The following TPD52L1 variants were observed in gnomAD, a reference collection of about 807,000 sequenced individuals.
TPD52L1 encodes the protein tumor protein D53.
Under a neutral mutation model 28.7 loss-of-function variants are expected in TPD52L1, and 18 were observed. That is an observed-to-expected ratio of 0.63 (90% CI 0.43 to 0.93). The LOEUF is 0.93. Among genes scored for constraint, TPD52L1 ranks in the 40% least tolerant of loss-of-function variants. The pLI, the probability that TPD52L1 is intolerant of heterozygous loss-of-function variation, is 0.00. For synonymous variants in TPD52L1, 75 were observed against 88.8 expected (o/e 0.84, Z 0.88); for missense variants, 203 against 254.8 (o/e 0.80, Z 1.39).
chr6:125,261,368 C>T (rs1431988035), intron 6 of TPD52L1: 1 of 152,206 alleles, frequency 6.6e-6, no homozygotes, highest in Non-Finnish European at 1.5e-5. Flanking sequence ...CAGACACAAT[C>T]CCCAGTGTTG....
rs373159679 is a variant in TPD52L1 at position 125,187,022 on chromosome 6, T to C, written c.19+33052T>C. On this transcript the variant is annotated intron_variant, in intron 1 of 6. Coordinates refer to ENST00000534000, the MANE Select transcript of TPD52L1 (RefSeq NM_003287.4). ...AGAAAAAATATATCATCAAATTTAATAGACAAACAATAGGTGGGAGAAAGG... is the reference window on the plus strand; with the variant it reads ...AGAAAAAATATATCATCAAATTTAACAGACAAACAATAGGTGGGAGAAAGG... Among the ~76,000 whole-genome samples the C allele has an allele frequency of 3.3e-5, 5 of 152,238 alleles. No homozygotes were observed. In the East Asian group the frequency reaches 5.8e-4, roughly 18 times the overall value.
intron 3 of TPD52L1, chr6:125,231,200 A>C (rs1486486711): frequency 1.3e-5 from 2 of 152,248 alleles, no homozygotes; most frequent in East Asian, 3.8e-4. Context: ...AGTACCAGGA[A>C]GACCTTCCTG....
chr6:125,193,803 T>G (rs1311018253), intron 1 of TPD52L1, among the ~76,000 whole-genome samples: 1 of 152,146 alleles, frequency 6.6e-6, no homozygotes, highest in Non-Finnish European at 1.5e-5. Context: ...TATACATTCA[T>G]TATGCAACTG....
intron 3 of TPD52L1, among the ~76,000 whole-genome samples, chr6:125,244,325 G>C (rs997961423): frequency 1.3e-5 from 2 of 152,182 alleles, no homozygotes; most frequent in Admixed American, 1.3e-4. Flanking sequence ...TTGTGGCTAA[G>C]GCAGGTGGGT....
chr6:125,201,457 A>G (rs1054362648), intron 1 of TPD52L1, among the ~76,000 whole-genome samples: 1 of 152,236 alleles, frequency 6.6e-6, no homozygotes, highest in African/African-American at 2.4e-5. Flanking sequence ...GTTTTCTACC[A>G]CTACCAACAA....
intron 1 of TPD52L1, among the ~76,000 whole-genome samples, chr6:125,181,337 C>T (rs1792181806): frequency 6.6e-6 from 1 of 152,066 alleles, no homozygotes; most frequent in South Asian, 2.1e-4. Context: ...AATGACCTCT[C>T]TAAGAGCACC....
chr6:125,185,926 C>A (rs532559984), intron 1 of TPD52L1, among the ~76,000 whole-genome samples: 1 of 140,176 alleles, frequency 7.1e-6, no homozygotes, highest in African/African-American at 2.7e-5. Flanking sequence ...CAGAGTCTCA[C>A]TCTGTCGCCC....
intron 1 of TPD52L1, among the ~76,000 whole-genome samples, chr6:125,199,329 T>C (rs186460957): frequency 2.0e-5 from 3 of 152,324 alleles, no homozygotes; most frequent in Admixed American, 2.0e-4. Context: ...GCATATCATG[T>C]AGGATCAAGA....
intron 1 of TPD52L1, among the ~76,000 whole-genome samples, chr6:125,176,542 A>G (rs1297571469): frequency 2.6e-5 from 4 of 152,140 alleles, no homozygotes; most frequent in Non-Finnish European, 5.9e-5. Flanking sequence ...AGAACTCGAG[A>G]TGGAATCTGT....
intron 6 of TPD52L1, chr6:125,261,019 A>AAAGAAAGAAAG (rs1562412007): frequency 6.2e-5 from 2 of 32,044 alleles, no homozygotes; most frequent in African/African-American, 5.2e-4. Context: ...AGAAAGAAAG[A>AAAGAAAGAAAG]AAAGAAAAGA....
chr6:125,174,026 C>A (rs1025945103), intron 1 of TPD52L1, among the ~76,000 whole-genome samples: 1 of 152,182 alleles, frequency 6.6e-6, no homozygotes, highest in Non-Finnish European at 1.5e-5. Flanking sequence ...AGCGATGTGA[C>A]CTTTAACTTC....
intron 1 of TPD52L1, among the ~76,000 whole-genome samples, chr6:125,176,643 C>T (rs192689804): frequency 1.2e-4 from 18 of 152,224 alleles, no homozygotes; most frequent in African/African-American, 3.1e-4. Flanking sequence ...AATTTAAGAG[C>T]GTATCCTTTC....
intron 1 of TPD52L1, among the ~76,000 whole-genome samples, chr6:125,178,655 CAAAAT>C (rs1444064488): frequency 8.1e-6 from 1 of 122,732 alleles, no homozygotes; most frequent in African/African-American, 2.7e-5. Context: ...CAAAACAAAA[CAAAAT>C]ATATATATAT....
At chr6:125,241,508 G>GT (rs1268763917) in intron 3 of TPD52L1, among the ~76,000 whole-genome samples, 1 of 151,880 alleles carries the variant, frequency 6.6e-6, no homozygotes, top group Non-Finnish European at 1.5e-5. Context: ...CATATTATTG[G>GT]TCTGTTCAGA....
chr6:125,221,210 G>A (rs547020969), intron 2 of TPD52L1, among the ~76,000 whole-genome samples: 9 of 152,180 alleles, frequency 5.9e-5, no homozygotes, highest in Non-Finnish European at 1.2e-4. Context: ...AGAGCAGCAC[G>A]TTCCTCTGGT....
intron 1 of TPD52L1, among the ~76,000 whole-genome samples, chr6:125,173,789 G>A (rs1005832815): frequency 2.0e-5 from 3 of 152,084 alleles, no homozygotes; most frequent in Admixed American, 6.5e-5. Flanking sequence ...GTCCTAAAAT[G>A]CTATTCTAGA....
rs1445295202 is a variant in TPD52L1, at chr6:125,224,380, C to T, written c.135+4187C>T. The stretch of plus-strand genomic sequence containing the variant: ...TCAATCTCTCCTTTGGCTCTTTCCT[C>T]TTCCTCTGGTCTGTGCAGTCCCCAA... On this transcript the variant is annotated intron_variant, in intron 2 of 6. Transcript: ENST00000534000. Among the ~76,000 whole-genome samples, 4 of 152,134 alleles carry T rather than the reference C, an allele frequency of 2.6e-5. No individual in the cohort carries two copies. The East Asian group carries it at 7.7e-4, about 29-fold the overall frequency.
intron 1 of TPD52L1, among the ~76,000 whole-genome samples, chr6:125,175,011 A>C (rs370549654): frequency 1.3e-4 from 20 of 152,232 alleles, no homozygotes; most frequent in African/African-American, 4.6e-4. Flanking sequence ...GTTTATTTAC[A>C]TATATATGTG....
At chr6:125,190,495 C>T (rs1792961499) in intron 1 of TPD52L1, among the ~76,000 whole-genome samples, 1 of 152,108 alleles carries the variant, frequency 6.6e-6, no homozygotes, top group African/African-American at 2.4e-5. Context: ...AGTTTTTCCA[C>T]AGACGAAGGT....
Sources: gnomAD v4.1 joint callset for allele counts (sites outside exome capture counted in the v4.1 genomes callset) on GRCh38, gnomAD v4.1.1 for gene constraint, MANE v1.5 for transcripts, NCBI Gene and HGNC (gene_info 2026-07-23, HGNC 2026-07-21) for gene names.